Variants in DCAF6 observed in about 807,000 individuals in gnomAD.
The protein encoded by DCAF6 is DDB1- and CUL4-associated factor 6.
A neutral mutation model predicts 125.1 loss-of-function variants in DCAF6; 54 were observed. That is an observed-to-expected ratio of 0.43 (90% CI 0.35 to 0.54). DCAF6 has a LOEUF of 0.54. Among genes scored for constraint, DCAF6 ranks in the 20% least tolerant of loss-of-function variants. The pLI, the probability that DCAF6 is intolerant of heterozygous loss-of-function variation, is 0.01. For missense variants in DCAF6, 934 were observed against 1,161.7 expected (o/e 0.80, Z 2.85); for synonymous variants, 371 against 390.4 (o/e 0.95, Z 0.58).
chr1:167,978,553 T>C (rs1397783926), intron 4 of DCAF6, among the ~76,000 whole-genome samples: 1 of 152,286 alleles, frequency 6.6e-6, no homozygotes, highest in Middle Eastern at 3.4e-3. Flanking sequence ...TCTGTTGGGT[T>C]GTTTGTCTTA....
chr1:168,049,846 G>A (rs527873550), intron 16 of DCAF6, among the ~76,000 whole-genome samples: 12 of 149,932 alleles, frequency 8.0e-5, no homozygotes, highest in African/African-American at 2.4e-4. Context: ...TAGTAGATAC[G>A]GGGTTTCACC....
the DCAF6 span, among the ~76,000 whole-genome samples, chr1:167,873,602 A>G: frequency 6.6e-6 from 1 of 152,156 alleles, no homozygotes; most frequent in South Asian, 2.1e-4. Context: ...TCTTATAGGT[A>G]TATCCCTTCC....
chr1:167,998,857 C>G (rs529539907), intron 7 of DCAF6: 41 of 152,704 alleles, frequency 2.7e-4, no homozygotes, highest in African/African-American at 8.9e-4. Context: ...AGTCTTCTAC[C>G]CCTCAAAGTG....
chr1:167,867,430 T>C, the DCAF6 span, among the ~76,000 whole-genome samples: 4 of 152,206 alleles, frequency 2.6e-5, no homozygotes, highest in Non-Finnish European at 2.9e-5. Flanking sequence ...GTTCCCAGTA[T>C]ATACATCAAG....
intron 17 of DCAF6, among the ~76,000 whole-genome samples, chr1:168,060,768 A>T (rs1313398671): frequency 6.6e-6 from 1 of 152,148 alleles, no homozygotes; most frequent in Non-Finnish European, 1.5e-5. Flanking sequence ...GGAGGCCTGT[A>T]GTCCCAGGTA....
chr1:167,923,272 C>G, the DCAF6 span, among the ~76,000 whole-genome samples: 2,572 of 152,208 alleles, frequency 0.017, 30 homozygotes, highest in Non-Finnish European at 0.027. Context: ...TTATTCACAA[C>G]AGCAAAAATG....
chr1:168,022,607 C>T (rs779170001), intron 11 of DCAF6, among the ~76,000 whole-genome samples: 1 of 152,154 alleles, frequency 6.6e-6, no homozygotes, highest in African/African-American at 2.4e-5. Context: ...TCGAATCCTC[C>T]AAGGCAGGAT....
chr1:167,975,873 A>G (rs1229391308), intron 4 of DCAF6, among the ~76,000 whole-genome samples: 1 of 152,082 alleles, frequency 6.6e-6, no homozygotes, highest in Non-Finnish European at 1.5e-5. Context: ...CTTCTGAAAT[A>G]CTTGCATGTC....
chr1:168,032,765 A>G (rs542558543), intron 12 of DCAF6, among the ~76,000 whole-genome samples: 108 of 152,344 alleles, frequency 7.1e-4, no homozygotes, highest in Non-Finnish European at 1.3e-3. Context: ...TAATTAATGT[A>G]TGATTATAAA....
Position 168,026,712 on chromosome 1 carries a change from G to GT in DCAF6, c.1609+3674dup, listed in dbSNP as rs200169844. 9.0e-3 allele frequency among the ~76,000 whole-genome samples: 1,360 copies of GT among 151,454 alleles called. 14 individuals carry two copies. Among genetic ancestry groups the GT allele is most frequent in the East Asian group, 0.058 (298 of 5,160 alleles). ...TTTGAGGGGAGAAGAAAGTATGTGA[G>GT]TTTTTTTTTAATGTTAAGTTTGAAG... is the stretch of plus-strand genomic sequence containing the variant. On this transcript the variant is annotated intron_variant, in intron 12 of 21. Transcript: ENST00000367840.
chr1:167,893,880 C>A, the DCAF6 span: 10 of 1,612,988 alleles, frequency 6.2e-6, no homozygotes, highest in Non-Finnish European at 6.8e-6. Flanking sequence ...CCATCACATA[C>A]TTTTGTAGGG....
intron 1 of DCAF6, among the ~76,000 whole-genome samples, chr1:167,947,267 G>T (rs1673215880): frequency 6.7e-6 from 1 of 149,634 alleles, no homozygotes; most frequent in South Asian, 2.1e-4. Flanking sequence ...TCTTTTCTTG[G>T]TTAGTCTGGA....
chr1:167,912,355 G>A, the DCAF6 span, among the ~76,000 whole-genome samples: 1 of 152,182 alleles, frequency 6.6e-6, no homozygotes, highest in East Asian at 1.9e-4. Context: ...CACCCAACAT[G>A]GCGATTCCGG....
chr1:167,951,546 G>T (rs60056673), intron 1 of DCAF6, among the ~76,000 whole-genome samples: 93 of 152,292 alleles, frequency 6.1e-4, no homozygotes, highest in African/African-American at 2.2e-3. Flanking sequence ...CTGCACTCCA[G>T]CCTGGGCAAC....
At position 167,946,013 on chromosome 1, in the gene DCAF6, A is replaced by G. The variant is rs578168692; in HGVS notation, c.98-5787A>G. On this transcript the variant is annotated intron_variant, in intron 1 of 21. Coordinates refer to ENST00000367840, the MANE Select transcript of DCAF6 (RefSeq NM_001198956.2). ...ATTCTGTTGCCCAGGCTGGAGTGCA[A>G]TGGCACAATCTCAGCTCACTGCAAG... Among the ~76,000 whole-genome samples, 28 of 145,678 alleles carry G rather than the reference A, an allele frequency of 1.9e-4. No individual in the cohort carries two copies. In the South Asian group the frequency reaches 3.5e-3, roughly 18 times the overall value.
rs1300451081 is a variant in DCAF6, at chr1:167,985,754, AAG to A, written c.439-1740_439-1739del. Among the ~76,000 whole-genome samples the A allele has an allele frequency of 6.0e-4, 91 of 152,326 alleles. 1 individual carries two copies. The highest frequency in any genetic ancestry group is 2.9e-5 in the Non-Finnish European group (2 of 68,020). The stretch of plus-strand genomic sequence containing the variant: ...AAAGTTTTCCAAGTAAATTTTTAAA[AAG>A]TATAAAACACCTACTGAAAAGTGCT... On this transcript the variant is annotated intron_variant, in intron 4 of 21. Transcript: ENST00000367840.
At chr1:168,040,040 A>G (rs745468135) in intron 13 of DCAF6, among the ~76,000 whole-genome samples, 53 of 152,180 alleles carry the variant, frequency 3.5e-4, no homozygotes, top group Non-Finnish European at 6.5e-4. Flanking sequence ...TAAGTGTACC[A>G]TATAGTATGT....
chr1:167,992,252 TACACACACAC>T (rs761598229), intron 6 of DCAF6, among the ~76,000 whole-genome samples: 1 of 143,092 alleles, frequency 7.0e-6, no homozygotes, highest in Non-Finnish European at 1.5e-5. Context: ...AGGCCAGGAT[TACACACACAC>T]ACACACACAC....
chr1:167,867,956 A>G, the DCAF6 span, among the ~76,000 whole-genome samples: 1 of 152,152 alleles, frequency 6.6e-6, no homozygotes, highest in African/African-American at 2.4e-5. Flanking sequence ...GGAAGCTGCA[A>G]CCCCTTGAAA....
Sources: allele counts gnomAD v4.1 joint callset (sites outside exome capture counted in the v4.1 genomes callset), GRCh38; gene constraint gnomAD v4.1.1; transcripts MANE v1.5; gene names NCBI Gene and HGNC (gene_info 2026-07-23, HGNC 2026-07-21).